The following STOML1 variants were observed in gnomAD, a reference collection of about 807,000 sequenced individuals.
STOML1 encodes the protein stomatin like 1.
A neutral mutation model predicts 35.7 loss-of-function variants in STOML1; 27 were observed. That is an observed-to-expected ratio of 0.76 (90% CI 0.56 to 1.04). The LOEUF (loss-of-function observed/expected upper bound fraction) is 1.04. Ranked by LOEUF, STOML1 falls within the 50% of genes least tolerant of loss-of-function variation. The pLI is 0.00. For synonymous variants in STOML1, 219 were observed against 227.9 expected (o/e 0.96, Z 0.35); for missense variants, 451 against 527.1 (o/e 0.86, Z 1.41).
Position 73,984,975 on chromosome 15 carries a change from C to T in STOML1, c.791-104G>A. The T allele has an allele frequency of 2.3e-6, 3 of 1,318,406 alleles. No individual in the cohort carries two copies. In the South Asian group the frequency reaches 3.9e-5, roughly 17 times the overall value. 81.7% of individuals were successfully genotyped at this position (1,318,406 alleles called of 1,614,324 possible). The stretch of plus-strand genomic sequence containing the variant: ...GCCTCTGCACCTTTTGTGGCAGTTT[C>T]CTCTTAGATCCCCTTCAGGCCTCTG... On this transcript the variant is annotated intron_variant, in intron 5 of 6. Coordinates refer to ENST00000541638, the MANE Select transcript of STOML1 (RefSeq NM_004809.5).
At position 73,988,445 on chromosome 15, in the gene STOML1, C is replaced by T; in HGVS notation, c.594+154G>A. 1 of 883,908 alleles carries T rather than the reference C, an allele frequency of 1.1e-6. No homozygotes were observed. The allele number at this position is 883,908 out of a possible 1,614,324, so 54.8% of individuals were successfully genotyped here. A position where few individuals can be genotyped will look rare whatever the true frequency, so the allele number is the denominator to read the frequency against. ...ACCTGCCATTCCTCAACTCATGGCC[C>T]CACCCAGGCACTGGCTCTTCAAAGG... is the stretch of plus-strand genomic sequence containing the variant. On this transcript the variant is annotated intron_variant, in intron 4 of 6. Coordinates refer to ENST00000541638, the MANE Select transcript of STOML1 (RefSeq NM_004809.5). This position sits in a 1 kb window ranked among gnomAD's most constrained non-coding sequence, Gnocchi z 4.8.
rs1379569045 is a variant in STOML1 at position 73,979,398 on chromosome 15, C to T, written c.*4539G>A. The T allele has an allele frequency of 6.6e-6, 1 of 152,164 alleles. No homozygotes were observed. The highest frequency in any genetic ancestry group is 2.4e-5 in the African/African-American group (1 of 41,448). The allele number at this position is 152,164 out of a possible 1,614,324, so 9.4% of individuals were successfully genotyped here. ...ATGGAGTCTCACTCTGTTGCCCAGGCTAAAGTGCAGTGGCATGATCTCAAC... is the reference window on the plus strand; with the variant it reads ...ATGGAGTCTCACTCTGTTGCCCAGGTTAAAGTGCAGTGGCATGATCTCAAC... On this transcript the variant is annotated 3_prime_UTR_variant, in exon 7 of 7. Transcript: ENST00000541638.
rs1196146904 is a variant in STOML1 at position 73,981,124 on chromosome 15, G to C, written c.*2813C>G. 1 of 152,224 alleles carries C rather than the reference G, an allele frequency of 6.6e-6. No homozygotes were observed. Among genetic ancestry groups the C allele is most frequent in the African/African-American group, 2.4e-5 (1 of 41,436 alleles). 9.4% of individuals were successfully genotyped at this position (152,224 alleles called of 1,614,324 possible). ...TAATCCCAGCACTTTGGGAGGCCTAGGCAGGCAGATCACTTGAGGTCAGGA... is the reference window on the plus strand; with the variant it reads ...TAATCCCAGCACTTTGGGAGGCCTACGCAGGCAGATCACTTGAGGTCAGGA... On this transcript the variant is annotated 3_prime_UTR_variant, in exon 7 of 7. Coordinates refer to ENST00000541638, the MANE Select transcript of STOML1 (RefSeq NM_004809.5).
Position 73,985,341 on chromosome 15 carries a change from C to T in STOML1, c.767G>A (p.Gly256Glu). 6.5e-7 allele frequency: 1 copy of T among 1,547,704 alleles called. No individual in the cohort carries two copies. Among genetic ancestry groups the T allele is most frequent in the Non-Finnish European group, 8.7e-7 (1 of 1,152,684 alleles). Reference protein sequence around the residue: ...FLGGSMNSMAGGAPSPGPADT... With the variant: ...FLGGSMNSMAEGAPSPGPADT... ...ACCTGGCCCCGGGGACGGGGCACCT[C>T]CTGCCATTGAGTTCATGCTTCCTCC... The change falls in exon 5 of 7, where the codon GGA (glycine) becomes GAA (glutamate). Residue 256 changes from glycine to glutamate, a missense_variant. Physicochemically the swap from Gly to Glu is moderately conservative, Grantham distance 98. Coordinates refer to ENST00000541638, the MANE Select transcript of STOML1 (RefSeq NM_004809.5).
At position 73,985,326 on chromosome 15, in the gene STOML1, G is replaced by A. The variant is rs530567361; in HGVS notation, c.782C>T (p.Pro261Leu). The A allele has an allele frequency of 4.6e-5, 71 of 1,529,814 alleles. No homozygotes were observed. In the Admixed American group the frequency reaches 8.5e-4, roughly 18 times the overall value. The allele number at this position is 1,529,814 out of a possible 1,614,324, so 94.8% of individuals were successfully genotyped here. A position where few individuals can be genotyped will look rare whatever the true frequency, so the allele number is the denominator to read the frequency against. Residue 261 changes from proline to leucine, a missense_variant, in exon 5 of 7, where the codon CCG becomes CTG. Pro to Leu is a moderately conservative substitution (Grantham distance 98). Coordinates refer to ENST00000541638, the MANE Select transcript of STOML1 (RefSeq NM_004809.5). ...TCCCCAGGGCTCCTCACCTGGCCCC[G>A]GGGACGGGGCACCTCCTGCCATTGA... ...MNSMAGGAPS[P>L]GPADTVEMVS... is the part of the protein sequence containing the mutation.
In STOML1 at chr15:73,990,462, AG is replaced by A. The variant is rs754201354; in HGVS notation, c.134-6del. 2.1e-4 allele frequency: 334 copies of A among 1,604,460 alleles called. No homozygotes were observed. The highest frequency in any genetic ancestry group is 2.8e-4 in the Non-Finnish European group (329 of 1,176,216). ...AGGGCCAGCTCTGGGGTACATCTGC[AG>A]GTGAGAGCAGAGGTGGTCAACTGGA... On this transcript the variant is annotated splice_region_variant and splice_polypyrimidine_tract_variant and intron_variant, in intron 1 of 6. Coordinates refer to ENST00000541638, the MANE Select transcript of STOML1 (RefSeq NM_004809.5).
At chr15:73,984,903 G>A (rs1266708441) in intron 5 of STOML1, 32 bp from the exon 6 acceptor site, 3 of 1,611,530 alleles carry the variant, frequency 1.9e-6, no homozygotes, top group Admixed American at 3.3e-5. Flanking sequence ...GGGGAAGGAG[G>A]CAGAGAGGAG....
chr15:73,984,992 A>G, intron 5 of STOML1, 121 bp from the exon 6 acceptor site: 1 of 1,183,188 alleles, frequency 8.5e-7, no homozygotes, highest in Non-Finnish European at 1.2e-6. Context: ...GATCCCCTTC[A>G]GGCCTCTGTT....
rs139671308 is a variant in STOML1 at position 73,988,254 on chromosome 15, T to C, written c.594+345A>G. 1,463 of 251,584 alleles carry C rather than the reference T, an allele frequency of 5.8e-3. 23 individuals are homozygous for C. The highest frequency in any genetic ancestry group is 0.03 in the African/African-American group (1,346 of 45,302). 15.6% of individuals were successfully genotyped at this position (251,584 alleles called of 1,614,324 possible). The stretch of plus-strand genomic sequence containing the variant: ...GGGAGGGTCCCTGCTCCATCACCCA[T>C]CTGCCTGCCCCATGAGTCAGGCCCG... On this transcript the variant is annotated intron_variant, in intron 4 of 6. Transcript: ENST00000541638. This position sits in a 1 kb window ranked among gnomAD's most constrained non-coding sequence, Gnocchi z 4.8.
Position 73,988,422 on chromosome 15 carries a change from C to T in STOML1, c.594+177G>A. The T allele has an allele frequency of 1.4e-6, 1 of 724,402 alleles. No individual in the cohort carries two copies. Among genetic ancestry groups the T allele is most frequent in the Non-Finnish European group, 2.2e-6 (1 of 450,556 alleles). 44.9% of individuals were successfully genotyped at this position (724,402 alleles called of 1,614,324 possible). Reference sequence around the variant, plus strand: ...CAGGATCGTTATGGTCTACGCCCACCTGCCATTCCTCAACTCATGGCCCCA... The same window carrying T: ...CAGGATCGTTATGGTCTACGCCCACTTGCCATTCCTCAACTCATGGCCCCA... On this transcript the variant is annotated intron_variant, in intron 4 of 6. Transcript: ENST00000541638. This position sits in a 1 kb window ranked among gnomAD's most constrained non-coding sequence, Gnocchi z 4.8.
intron 1 of STOML1, among the ~76,000 whole-genome samples, chr15:73,991,428 GC>G (rs1440628902): frequency 6.6e-6 from 1 of 152,266 alleles, no homozygotes; most frequent in Non-Finnish European, 1.5e-5. Flanking sequence ...TCCACTTTGT[GC>G]CTGGCTCTGA....
intron 2 of STOML1, 97 bp from the exon 3 acceptor site, chr15:73,989,354 T>G (rs2069195919): frequency 7.4e-7 from 1 of 1,344,510 alleles, no homozygotes; most frequent in Admixed American, 2.9e-5. Context: ...CCTCCTCACC[T>G]GGGTCACAGT....
chr15:73,985,309 GCTC>G lies in STOML1; in HGVS notation c.790+6_790+8del, dbSNP rs2069055849. On this transcript the variant is annotated splice_donor_region_variant and intron_variant, in intron 5 of 6. Transcript: ENST00000541638. ...AAACACCCCCGCTCTCCTCCCCAGG[GCTC>G]CTCACCTGGCCCCGGGGACGGGGCA... The G allele has an allele frequency of 7.9e-6, 12 of 1,523,186 alleles. No individual in the cohort carries two copies. The highest frequency in any genetic ancestry group is 1.1e-5 in the Non-Finnish European group (12 of 1,142,346). The allele number at this position is 1,523,186 out of a possible 1,614,324, so 94.4% of individuals were successfully genotyped here. A position where few individuals can be genotyped will look rare whatever the true frequency, so the allele number is the denominator to read the frequency against.
chr15:73,984,196 G>T, intron 6 of STOML1, 66 bp from the exon 7 acceptor site: 3 of 1,508,018 alleles, frequency 2.0e-6, no homozygotes, highest in Non-Finnish European at 2.7e-6. Context: ...ATCTATGGGG[G>T]TGGGAGGGGC....
chr15:73,992,110 G>A lies in STOML1; in HGVS notation c.114C>T (p.Gly38=). The A allele has an allele frequency of 6.3e-7, 1 of 1,598,980 alleles. No homozygotes were observed. Among genetic ancestry groups the A allele is most frequent in the Non-Finnish European group, 8.5e-7 (1 of 1,174,178 alleles). The part of the protein sequence containing the change: ...SQKGCLSPER[G]GVGTGADVPQ... ...ACTCACCGGCCCCTGTCCCCACGCC[G>A]CCCCGCTCCGGGGACAAGCAGCCCT... Residue 38 remains glycine, a synonymous_variant, in exon 1 of 7, where the codon GGC becomes GGT. Coordinates refer to ENST00000541638, the MANE Select transcript of STOML1 (RefSeq NM_004809.5).
Position 73,981,431 on chromosome 15 carries a change from A to C in STOML1, c.*2506T>G, listed in dbSNP as rs1477288035. On this transcript the variant is annotated 3_prime_UTR_variant, in exon 7 of 7. Coordinates refer to ENST00000541638, the MANE Select transcript of STOML1 (RefSeq NM_004809.5). ...ATATATTAACTAGGATACTTAAACT[A>C]TTATCATTATTCACCAGGTTATCTT... 6.6e-6 allele frequency: 1 copy of C among 152,208 alleles called. No individual in the cohort carries two copies. The allele number at this position is 152,208 out of a possible 1,614,324, so 9.4% of individuals were successfully genotyped here.
At chr15:73,990,958 AT>A in intron 1 of STOML1, 19 of 1,467,130 alleles carry the variant, frequency 1.3e-5, no homozygotes, top group Non-Finnish European at 1.7e-5. Flanking sequence ...ACAGGGATAA[AT>A]CATAAATAGC....
rs893549749 is a variant in STOML1 at position 73,992,036 on chromosome 15, C to T, written c.133+55G>A. On this transcript the variant is annotated intron_variant, in intron 1 of 6. Coordinates refer to ENST00000541638, the MANE Select transcript of STOML1 (RefSeq NM_004809.5). ...GACTCCTCGGAGGCAGAGATTCGGGCCTGGGGGTTGCCGGCCGGTCCCCCC... is the reference window on the plus strand; with the variant it reads ...GACTCCTCGGAGGCAGAGATTCGGGTCTGGGGGTTGCCGGCCGGTCCCCCC... The T allele has an allele frequency of 5.1e-5, 77 of 1,508,648 alleles. No homozygotes were observed. In the Admixed American group the frequency reaches 9.3e-4, roughly 18 times the overall value. 93.5% of individuals were successfully genotyped at this position (1,508,648 alleles called of 1,614,324 possible).
chr15:73,984,961 T>G, intron 5 of STOML1, 90 bp from the exon 6 acceptor site: 2 of 1,460,112 alleles, frequency 1.4e-6, no homozygotes, highest in South Asian at 2.4e-5. Flanking sequence ...CCTCTGCACC[T>G]TTTGTGGCAG....
Sources: allele counts gnomAD v4.1 joint callset (sites outside exome capture counted in the v4.1 genomes callset), GRCh38; gene constraint gnomAD v4.1.1; non-coding constraint Gnocchi (gnomAD v3.1); transcripts MANE v1.5; gene names NCBI Gene and HGNC (gene_info 2026-07-23, HGNC 2026-07-21).